Variants in B4GALT5 observed in about 807,000 individuals in gnomAD.
B4GALT5 encodes beta-1,4-galactosyltransferase 5, also known as UDP-Gal:beta-GlcNAc beta-1,4-galactosyltransferase 5.
A neutral mutation model predicts 45.0 loss-of-function variants in B4GALT5; 11 were observed. The ratio of observed to expected loss-of-function variants is 0.24; its 90% CI spans 0.15 to 0.40. The LOEUF (loss-of-function observed/expected upper bound fraction) is 0.40, where lower values mean the gene tolerates loss of function less well. Ranked by LOEUF, B4GALT5 falls within the 10% of genes least tolerant of loss-of-function variation. The pLI, the probability that B4GALT5 is intolerant of heterozygous loss-of-function variation, is 1.00. For missense variants in B4GALT5, 337 were observed against 500.2 expected (o/e 0.67, Z 3.11); for synonymous variants, 185 against 182.9 (o/e 1.01, Z -0.09).
chr20:49,669,557 A>G lies in B4GALT5; in HGVS notation c.116-12855T>C, dbSNP rs556386453. Among the ~76,000 whole-genome samples, 27 of 152,152 alleles carry G rather than the reference A, an allele frequency of 1.8e-4. No homozygotes were observed. The East Asian group carries it at 4.4e-3, about 25-fold the overall frequency. On this transcript the variant is annotated intron_variant, in intron 1 of 8. Coordinates refer to ENST00000371711, the MANE Select transcript of B4GALT5 (RefSeq NM_004776.4). ...ACTAAAAATACAAAATCAGCCGAGC[A>G]TGGTGGTGCATGCCTGTAATCCCAG...
At chr20:49,689,731 A>C (rs951690222) in intron 1 of B4GALT5, among the ~76,000 whole-genome samples, 1 of 152,212 alleles carries the variant, frequency 6.6e-6, no homozygotes, top group Non-Finnish European at 1.5e-5. Context: ...TCATGCAATG[A>C]ATAGGTGTGC....
chr20:49,697,373 A>G (rs1167268075), intron 1 of B4GALT5, among the ~76,000 whole-genome samples: 1 of 152,228 alleles, frequency 6.6e-6, no homozygotes, highest in Non-Finnish European at 1.5e-5. Context: ...TTCTGGCTGT[A>G]CATTCTGAGG....
intron 1 of B4GALT5, among the ~76,000 whole-genome samples, chr20:49,704,717 TCAAAAAAAAAA>T (rs1276320090): frequency 1.4e-5 from 2 of 144,070 alleles, no homozygotes; most frequent in Non-Finnish European, 3.0e-5. Flanking sequence ...AGACTCTGTC[TCAAAAAAAAAA>T]CAAAAAAAAA....
At chr20:49,648,206 C>A (rs1407487921) in intron 2 of B4GALT5, among the ~76,000 whole-genome samples, 2 of 152,154 alleles carry the variant, frequency 1.3e-5, no homozygotes, top group African/African-American at 4.8e-5. Flanking sequence ...GAAATCCACT[C>A]GAATCTCCTG....
At chr20:49,636,796 A>T (rs1166337646) in intron 8 of B4GALT5, among the ~76,000 whole-genome samples, 1 of 152,190 alleles carries the variant, frequency 6.6e-6, no homozygotes, top group African/African-American at 2.4e-5. Flanking sequence ...AAAATACAAC[A>T]GATGAGAAAG....
chr20:49,672,048 C>G (rs955522942), intron 1 of B4GALT5, among the ~76,000 whole-genome samples: 3 of 152,140 alleles, frequency 2.0e-5, no homozygotes, highest in African/African-American at 7.2e-5. Context: ...GCTCTTGGTG[C>G]TTCTAGCTTT....
At chr20:49,709,712 T>C (rs1345000058) in intron 1 of B4GALT5, among the ~76,000 whole-genome samples, 1 of 150,380 alleles carries the variant, frequency 6.6e-6, no homozygotes, top group Non-Finnish European at 1.5e-5. Flanking sequence ...GAGGTTGCAG[T>C]GAGCTGAGAT....
chr20:49,679,335 G>A (rs2085754475), intron 1 of B4GALT5, among the ~76,000 whole-genome samples: 1 of 151,972 alleles, frequency 6.6e-6, no homozygotes. Flanking sequence ...TTTATCCTTG[G>A]TCATTCTCTA....
chr20:49,691,186 G>A (rs1015564250), intron 1 of B4GALT5, among the ~76,000 whole-genome samples: 20 of 152,088 alleles, frequency 1.3e-4, no homozygotes, highest in African/African-American at 4.1e-4. Context: ...ATGACGGTGC[G>A]GGGCAATCAG....
At chr20:49,705,955 G>A (rs1021953273) in intron 1 of B4GALT5, among the ~76,000 whole-genome samples, 9 of 151,474 alleles carry the variant, frequency 5.9e-5, no homozygotes, top group Non-Finnish European at 1.2e-4. Flanking sequence ...CAAGGAGGAC[G>A]GATCACCTGA....
At chr20:49,660,639 T>C (rs1368428328) in intron 1 of B4GALT5, among the ~76,000 whole-genome samples, 2 of 152,204 alleles carry the variant, frequency 1.3e-5, no homozygotes, top group African/African-American at 4.8e-5. Context: ...GCAATGCTCA[T>C]GTAGTTGGTT....
intron 1 of B4GALT5, among the ~76,000 whole-genome samples, chr20:49,664,538 G>C (rs1204859174): frequency 6.8e-6 from 1 of 147,444 alleles, no homozygotes; most frequent in Admixed American, 6.8e-5. Flanking sequence ...CCAAAAAAAA[G>C]CAGGGGCTAT....
chr20:49,678,852 T>A (rs2085750838), intron 1 of B4GALT5, among the ~76,000 whole-genome samples: 2 of 152,212 alleles, frequency 1.3e-5, no homozygotes, highest in Non-Finnish European at 1.5e-5. Flanking sequence ...GGCTTCCATA[T>A]CCACTTCAAT....
At chr20:49,713,481 G>T in intron 1 of B4GALT5, 95 bp downstream of exon 1, 3 of 1,291,916 alleles carry the variant, frequency 2.3e-6, no homozygotes, top group African/African-American at 3.1e-5. Context: ...GCTCAGGGCC[G>T]CCTCCCGGCC....
In B4GALT5 at chr20:49,639,688, GGTC is replaced by G. The variant is rs1373037941; in HGVS notation, c.904_906del (p.Asp302del). ...GAACGGCAGAGGTACCTGTTCCAGA[GGTC>G]GTCATCTTCTCCACCCCAACCCCAG... is the stretch of plus-strand genomic sequence containing the variant. On this transcript the variant is annotated inframe_deletion, in exon 7 of 9. Transcript: ENST00000371711. 6.2e-7 allele frequency: 1 copy of G among 1,613,536 alleles called. No homozygotes were observed. Among genetic ancestry groups the G allele is most frequent in the Admixed American group, 1.7e-5 (1 of 59,994 alleles).
intron 2 of B4GALT5, 83 bp downstream of exon 2, chr20:49,656,485 C>T: frequency 6.5e-7 from 1 of 1,549,860 alleles, no homozygotes; most frequent in Non-Finnish European, 8.8e-7. Context: ...GCGCTTTTCC[C>T]ATTGAAAATA....
chr20:49,665,466 AATAATAATAATAAT>A (rs1440939246), intron 1 of B4GALT5, among the ~76,000 whole-genome samples: 5 of 146,056 alleles, frequency 3.4e-5, no homozygotes, highest in African/African-American at 1.3e-4. Flanking sequence ...TAATAATAAT[AATAATAATAATAAT>A]AATGAAGAAA....
intron 1 of B4GALT5, among the ~76,000 whole-genome samples, chr20:49,681,818 G>A (rs1027636599): frequency 3.9e-5 from 6 of 152,172 alleles, no homozygotes; most frequent in Admixed American, 6.5e-5. Context: ...AAGAAAGGCT[G>A]GGCGTGGTGG....
At chr20:49,645,671 C>T (rs2085596039) in intron 3 of B4GALT5, among the ~76,000 whole-genome samples, 1 of 151,994 alleles carries the variant, frequency 6.6e-6, no homozygotes, top group Non-Finnish European at 1.5e-5. Flanking sequence ...ATCACTTGAA[C>T]CTGGGAGGCA....
Sources: gnomAD v4.1 joint callset for allele counts (sites outside exome capture counted in the v4.1 genomes callset) on GRCh38, gnomAD v4.1.1 for gene constraint, MANE v1.5 for transcripts, NCBI Gene and HGNC (gene_info 2026-07-23, HGNC 2026-07-21) for gene names.